Variants in NPY4R observed in about 807,000 individuals in gnomAD.
NPY4R encodes neuropeptide Y receptor Y4.
Under a neutral mutation model 11.9 loss-of-function variants are expected in NPY4R, and 2 were observed. The ratio of observed to expected loss-of-function variants is 0.17; its 90% CI spans 0.07 to 0.53. The LOEUF (loss-of-function observed/expected upper bound fraction) is 0.53. Among genes scored for constraint, NPY4R ranks in the 20% least tolerant of loss-of-function variants. NPY4R has a pLI of 0.94. For missense variants in NPY4R, 26 were observed against 280.2 expected, an observed-to-expected ratio of 0.09 and a Z score of 6.48; for synonymous variants, 8 against 121.7, an observed-to-expected ratio of 0.07 and a Z score of 6.15.
upstream of NPY4R, among the ~76,000 whole-genome samples, chr10:46,466,195 C>CT (rs1306664189): frequency 6.5e-5 from 2 of 30,812 alleles, 1 homozygote; most frequent in African/African-American, 3.5e-4. Context: ...TTCTTTCTTT[C>CT]TTTCTTTCTT....
At chr10:46,466,181 C>CTCCCTTTCTTTCTT (rs1554991157), upstream of NPY4R, among the ~76,000 whole-genome samples, 1 of 22,302 alleles carries the variant, frequency 4.5e-5, no homozygotes, top group Non-Finnish European at 9.1e-5. Context: ...CTGTCTTTCT[C>CTCCCTTTCTTTCTT]TCTTTCTTTC....
chr10:46,466,187 CTTTCTTTCTTTCTTTCTTTCTT>C (rs1841019150), upstream of NPY4R, among the ~76,000 whole-genome samples: 1 of 9,986 alleles, frequency 1.0e-4, no homozygotes, highest in Non-Finnish European at 2.2e-4. Flanking sequence ...TTCTCTCTTT[CTTTCTTTCTTTCTTTCTTTCTT>C]TCTTTCTTTC....
chr10:46,466,208 TTTCTTTC>T (rs1841024017), upstream of NPY4R, among the ~76,000 whole-genome samples: 1 of 53,122 alleles, frequency 1.9e-5, no homozygotes, highest in Non-Finnish European at 3.6e-5. Context: ...TCTTTCTTTC[TTTCTTTC>T]TTTCTTTCTT....
upstream of NPY4R, among the ~76,000 whole-genome samples, chr10:46,466,243 CTTT>C (rs1841032886): frequency 3.8e-3 from 266 of 69,328 alleles, 37 homozygotes; most frequent in Admixed American, 0.027. Flanking sequence ...TTCTTTCTTT[CTTT>C]CTTTCTTTCT....
chr10:46,461,799 C>A lies in NPY4R; in HGVS notation c.837G>T (p.Leu279=), dbSNP rs781826508. The A allele has an allele frequency of 4.3e-5, 18 of 419,660 alleles. 3 individuals carry two copies. In the East Asian group the frequency reaches 5.2e-4, roughly 12 times the overall value. The allele number at this position is 419,660 out of a possible 1,614,324, so 26.0% of individuals were successfully genotyped here. A position where few individuals can be genotyped will look rare whatever the true frequency, so the allele number is the denominator to read the frequency against. The change falls in exon 3 of 3, where the codon CTG becomes CTT. Residue 279 remains leucine, a synonymous_variant. Coordinates refer to ENST00000374312, the MANE Select transcript of NPY4R (RefSeq NM_005972.6). ...VMVVAFAVLW[L]PLHVFNSLED... Reference sequence around the variant, plus strand: ...CCAGGCTGTTGAACACATGCAGAGGCAGCCAGAGCACGGCAAAGGCCACCA... The same window carrying A: ...CCAGGCTGTTGAACACATGCAGAGGAAGCCAGAGCACGGCAAAGGCCACCA...
chr10:46,468,358 AAGC>A (rs543312897), upstream of NPY4R, among the ~76,000 whole-genome samples: 1,317 of 144,746 alleles, frequency 9.1e-3, 172 homozygotes, highest in African/African-American at 0.034. Context: ...CTCCTCAAGA[AAGC>A]AGTCTGTAAG....
At chr10:46,466,296 CTCT>C (rs1841050666), upstream of NPY4R, among the ~76,000 whole-genome samples, 1 of 132,146 alleles carries the variant, frequency 7.6e-6, no homozygotes, top group African/African-American at 2.9e-5. Flanking sequence ...CTCTCTCTCT[CTCT>C]CTCCCTCCCT....
At chr10:46,468,069 C>T (rs1213436234), upstream of NPY4R, among the ~76,000 whole-genome samples, 15 of 124,774 alleles carry the variant, frequency 1.2e-4, no homozygotes, top group Non-Finnish European at 2.6e-4. Flanking sequence ...ATCATCCCAT[C>T]TCACAGGCGA....
rs1840853651 is a variant in NPY4R, at chr10:46,462,379, GAGA to G, written c.254_256del (p.Phe85del). 1 of 1,612,806 alleles carries G rather than the reference GAGA, an allele frequency of 6.2e-7. No homozygotes were observed. The highest frequency in any genetic ancestry group is 1.3e-5 in the African/African-American group (1 of 74,894). ...GCAGAGGAGGCACATGAGGAAGTCA[GAGA>G]AGGCCAGGTTGGCGATAAGCAGGTT... On this transcript the variant is annotated inframe_deletion, in exon 3 of 3. Coordinates refer to ENST00000374312, the MANE Select transcript of NPY4R (RefSeq NM_005972.6).
chr10:46,468,038 A>G (rs567255598), upstream of NPY4R, among the ~76,000 whole-genome samples: 20 of 121,142 alleles, frequency 1.7e-4, no homozygotes, highest in South Asian at 5.5e-3. Flanking sequence ...GTCCATCCTC[A>G]TGCCTAACTG....
At chr10:46,466,181 CTCTTTCTT>C (rs1171598410), upstream of NPY4R, among the ~76,000 whole-genome samples, 365 of 21,910 alleles carry the variant, frequency 0.017, 23 homozygotes, top group Non-Finnish European at 0.02. Context: ...CTGTCTTTCT[CTCTTTCTT>C]TCTTTCTTTC....
At chr10:46,466,282 TTCTC>T (rs1160755760), upstream of NPY4R, among the ~76,000 whole-genome samples, 110 of 63,728 alleles carry the variant, frequency 1.7e-3, 14 homozygotes, top group African/African-American at 8.5e-3. Context: ...CTTTCTTTCT[TTCTC>T]TCTCTCTCTC....
At chr10:46,464,264 G>A (rs1219715687) in intron 1 of NPY4R, among the ~76,000 whole-genome samples, 1 of 151,384 alleles carries the variant, frequency 6.6e-6, no homozygotes, top group Non-Finnish European at 1.5e-5. Context: ...AGCTACATGG[G>A]AGGGTGAAGC....
upstream of NPY4R, among the ~76,000 whole-genome samples, chr10:46,466,187 CTTTCTTTCTTTCT>C (rs1841019030): frequency 1.0e-4 from 1 of 9,986 alleles, no homozygotes; most frequent in Non-Finnish European, 2.2e-4. Context: ...TTCTCTCTTT[CTTTCTTTCTTTCT>C]TTCTTTCTTT....
At chr10:46,466,185 T>TC (rs1841017703), upstream of NPY4R, among the ~76,000 whole-genome samples, 42 of 3,648 alleles carry the variant, frequency 0.012, 2 homozygotes, top group South Asian at 0.044. Flanking sequence ...CTTTCTCTCT[T>TC]TCTTTCTTTC....
upstream of NPY4R, chr10:46,466,026 CCAG>C: frequency 6.6e-6 from 1 of 151,996 alleles, no homozygotes; most frequent in Admixed American, 6.6e-5. Context: ...CGAGAGGGCT[CCAG>C]CCGCCCGCCT....
At chr10:46,466,295 TCTCTCTCCCTCC>T (rs1841050620), upstream of NPY4R, among the ~76,000 whole-genome samples, 1 of 123,290 alleles carries the variant, frequency 8.1e-6, no homozygotes, top group African/African-American at 3.0e-5. Flanking sequence ...TCTCTCTCTC[TCTCTCTCCCTCC>T]CTCCCCCTCC....
At chr10:46,466,252 TTTCTTTCTTTCCTTTC>T (rs1841037915), upstream of NPY4R, among the ~76,000 whole-genome samples, 2 of 73,012 alleles carry the variant, frequency 2.7e-5, no homozygotes, top group African/African-American at 7.6e-5. Context: ...TCTTTCTTTC[TTTCTTTCTTTCCTTTC>T]TTTCTTTCTT....
At chr10:46,466,183 CTTTCTTTCTTTCTTTCTTTCTTTCTT>C (rs1361083741), upstream of NPY4R, among the ~76,000 whole-genome samples, 334 of 93,874 alleles carry the variant, frequency 3.6e-3, 31 homozygotes, top group South Asian at 4.8e-3. Flanking sequence ...GTCTTTCTCT[CTTTCTTTCTTTCTTTCTTTCTTTCTT>C]TCTTTCTTTC....
Sources: gnomAD v4.1 joint callset for allele counts (sites outside exome capture counted in the v4.1 genomes callset) on GRCh38, gnomAD v4.1.1 for gene constraint, MANE v1.5 for transcripts, NCBI Gene and HGNC (gene_info 2026-07-23, HGNC 2026-07-21) for gene names.